The following HDAC8 variants were observed in gnomAD, a reference collection of about 807,000 sequenced individuals.
HDAC8 encodes histone deacetylase 8.
A neutral mutation model predicts 32.2 loss-of-function variants in HDAC8; 1 was observed. The ratio of observed to expected loss-of-function variants is 0.03; its 90% CI spans 0.01 to 0.15. HDAC8 has a LOEUF of 0.15. Ranked by LOEUF, HDAC8 falls within the 10% of genes least tolerant of loss-of-function variation. The pLI is 1.00. For synonymous variants in HDAC8, 108 were observed against 113.9 expected (o/e 0.95, Z 0.33); for missense variants, 117 against 300.0 (o/e 0.39, Z 4.51).
intron 4 of HDAC8, among the ~76,000 whole-genome samples, chrX:72,502,930 A>T (rs1435566716): frequency 1.9e-4 from 21 of 111,581 alleles, no homozygotes; most frequent in African/African-American, 5.9e-4. Context: ...TGTCTCAAAA[A>T]AAATAAATAA....
intron 9 of HDAC8, among the ~76,000 whole-genome samples, chrX:72,401,123 C>T (rs1057502935): frequency 7.1e-5 from 8 of 112,352 alleles, no homozygotes; most frequent in African/African-American, 2.6e-4. Flanking sequence ...CATAAGGTAA[C>T]TCTATGTTCA....
At position 72,495,137 on chromosome X, in the gene HDAC8, T is replaced by G; in HGVS notation, c.550+19A>C. ...CTGCTGTCCTCGCAGCAAAGCATCTTTAAAACCAAAGGGCTTACCATCTCC... is the reference window on the plus strand; with the variant it reads ...CTGCTGTCCTCGCAGCAAAGCATCTGTAAAACCAAAGGGCTTACCATCTCC... On this transcript the variant is annotated intron_variant, in intron 5 of 10. Transcript: ENST00000373573. The G allele has an allele frequency of 8.8e-7, 1 of 1,136,421 alleles. No homozygotes were observed. Among genetic ancestry groups the G allele is most frequent in the Non-Finnish European group, 1.2e-6 (1 of 831,652 alleles). 93.7% of individuals were successfully genotyped at this position (1,136,421 alleles called of 1,213,427 possible). A position where few individuals can be genotyped will look rare whatever the true frequency, so the allele number is the denominator to read the frequency against.
At chrX:72,570,970 G>A (rs1313235700) in intron 2 of HDAC8, among the ~76,000 whole-genome samples, 8 of 112,136 alleles carry the variant, frequency 7.1e-5, no homozygotes, top group African/African-American at 2.3e-4. Flanking sequence ...TGTCACCCAG[G>A]CTGGGGTGCA....
intron 4 of HDAC8, among the ~76,000 whole-genome samples, chrX:72,524,616 C>T (rs1556030697): frequency 9.0e-6 from 1 of 111,441 alleles, no homozygotes; most frequent in African/African-American, 3.3e-5. Context: ...TAACTTTTGT[C>T]TGCGTAGATG....
chrX:72,384,504 G>T (rs5958763), intron 9 of HDAC8, among the ~76,000 whole-genome samples: 2,409 of 110,973 alleles, frequency 0.022, 68 homozygotes, highest in African/African-American at 0.076. Context: ...GGGGTGGGGG[G>T]TACAACCAGC....
chrX:72,464,749 G>C lies in HDAC8; in HGVS notation c.738-18C>G, dbSNP rs782469454. The C allele has an allele frequency of 5.2e-6, 6 of 1,154,460 alleles. No homozygotes were observed. The highest frequency in any genetic ancestry group is 7.1e-6 in the Non-Finnish European group (6 of 845,805). ...TTAGTACACTATATAAAATAGAAAGGATACAAAATATAGGTCAGTTTGGTC... is the reference window on the plus strand; with the variant it reads ...TTAGTACACTATATAAAATAGAAAGCATACAAAATATAGGTCAGTTTGGTC... On this transcript the variant is annotated intron_variant, in intron 7 of 10. Transcript: ENST00000373573.
chrX:72,489,747 C>T (rs1288976968), intron 6 of HDAC8, among the ~76,000 whole-genome samples: 2 of 110,980 alleles, frequency 1.8e-5, no homozygotes, highest in African/African-American at 3.3e-5. Context: ...CCAAAATTGA[C>T]AAATGGGATC....
At chrX:72,497,814 G>T (rs1427516506) in intron 4 of HDAC8, among the ~76,000 whole-genome samples, 1 of 109,345 alleles carries the variant, frequency 9.1e-6, no homozygotes, top group African/African-American at 3.3e-5. Context: ...ATACTAAATT[G>T]AATTAATGAA....
intron 7 of HDAC8, among the ~76,000 whole-genome samples, 196 bp from the exon 8 acceptor site, chrX:72,464,927 T>G (rs1176204599): frequency 9.0e-6 from 1 of 111,633 alleles, no homozygotes; most frequent in Non-Finnish European, 1.9e-5. Flanking sequence ...AAACCTGACT[T>G]ACAAAAAAAT....
rs62613003 is a variant in HDAC8, at chrX:72,534,283, G to A, written c.437+33606C>T. Among the ~76,000 whole-genome samples, 646 of 103,016 alleles carry A rather than the reference G, an allele frequency of 6.3e-3. 2 individuals carry two copies. The highest frequency in any genetic ancestry group is 0.011 in the South Asian group (25 of 2,339). 89.5% of individuals were successfully genotyped at this position (103,016 alleles called of 115,157 possible). ...TAATAGCATCAAAAGAATAAAATAC[G>A]TAGCTATATATATATGTGTATATAT... On this transcript the variant is annotated intron_variant, in intron 4 of 10. Transcript: ENST00000373573.
At chrX:72,409,143 T>C (rs1385213598) in intron 9 of HDAC8, among the ~76,000 whole-genome samples, 1 of 112,385 alleles carries the variant, frequency 8.9e-6, no homozygotes, top group Non-Finnish European at 1.9e-5. Context: ...CCTCTTCTGT[T>C]CTCTGTCCCA....
chrX:72,411,206 A>G (rs1555970140), intron 9 of HDAC8, among the ~76,000 whole-genome samples: 1 of 109,645 alleles, frequency 9.1e-6, no homozygotes, highest in Non-Finnish European at 1.9e-5. Context: ...TTGTATCTTT[A>G]GTAGAGACGG....
intron 4 of HDAC8, among the ~76,000 whole-genome samples, chrX:72,515,587 T>TGGGG (rs61675419): frequency 4.2e-4 from 14 of 33,731 alleles, no homozygotes; most frequent in Admixed American, 7.2e-4. Context: ...TCAGTGTGTG[T>TGGGG]GGGGGGGGGG....
rs2984289 is a variant in HDAC8, at chrX:72,334,161, G to A, written c.1112-4085C>T. ...ACATCTAGCTTTTCCAGCAGTGGGTGGCAGCCTGAGAAAATTCTAAAGGCT... is the reference window on the plus strand; with the variant it reads ...ACATCTAGCTTTTCCAGCAGTGGGTAGCAGCCTGAGAAAATTCTAAAGGCT... On this transcript the variant is annotated intron_variant, in intron 10 of 10. Coordinates refer to ENST00000373573, the MANE Select transcript of HDAC8 (RefSeq NM_018486.3). 9.5e-3 allele frequency among the ~76,000 whole-genome samples: 1,064 copies of A among 111,570 alleles called. 15 individuals are homozygous for A. Among genetic ancestry groups the A allele is most frequent in the African/African-American group, 0.032 (991 of 30,715 alleles).
At chrX:72,536,101 T>C (rs1204962319) in intron 4 of HDAC8, among the ~76,000 whole-genome samples, 1 of 111,941 alleles carries the variant, frequency 8.9e-6, no homozygotes, top group African/African-American at 3.2e-5. Context: ...GGGCTCCTTT[T>C]CGTAACACCC....
At chrX:72,470,485 A>G (rs1232611711) in intron 7 of HDAC8, among the ~76,000 whole-genome samples, 2 of 111,633 alleles carry the variant, frequency 1.8e-5, no homozygotes, top group Non-Finnish European at 3.8e-5. Context: ...AGGGTCATGT[A>G]TCACCAATGA....
intron 4 of HDAC8, among the ~76,000 whole-genome samples, chrX:72,498,627 T>G (rs1361344907): frequency 5.4e-5 from 6 of 111,943 alleles, no homozygotes; most frequent in African/African-American, 1.9e-4. Context: ...TATTCCAGAT[T>G]ACTGAATCTC....
At chrX:72,551,137 C>T (rs1053162434) in intron 4 of HDAC8, among the ~76,000 whole-genome samples, 11 of 109,934 alleles carry the variant, frequency 1.0e-4, no homozygotes, top group Non-Finnish European at 2.1e-4. Flanking sequence ...TCTGGTAGAA[C>T]AGTCCACAAT....
chrX:72,437,317 C>T (rs1003872327), intron 9 of HDAC8, among the ~76,000 whole-genome samples: 1 of 112,030 alleles, frequency 8.9e-6, no homozygotes, highest in Non-Finnish European at 1.9e-5. Flanking sequence ...CCAGATACTA[C>T]ACTTTTCCCA....
Sources: gnomAD v4.1 joint callset for allele counts (sites outside exome capture counted in the v4.1 genomes callset) on GRCh38, gnomAD v4.1.1 for gene constraint, MANE v1.5 for transcripts, NCBI Gene and HGNC (gene_info 2026-07-23, HGNC 2026-07-21) for gene names.